Variants in MAP3K5 observed in about 807,000 individuals in gnomAD.
The protein encoded by MAP3K5 is ASK-1.
Under a neutral mutation model 158.7 loss-of-function variants are expected in MAP3K5, and 56 were observed. That is an observed-to-expected ratio of 0.35 (90% CI 0.28 to 0.44). The LOEUF is 0.44. Ranked by LOEUF, MAP3K5 falls within the 20% of genes least tolerant of loss-of-function variation. The pLI, the probability that MAP3K5 is intolerant of heterozygous loss-of-function variation, is 1.00. For synonymous variants in MAP3K5, 579 were observed against 601.7 expected (o/e 0.96, Z 0.55); for missense variants, 1,294 against 1,674.8 (o/e 0.77, Z 3.97).
intron 15 of MAP3K5, among the ~76,000 whole-genome samples, chr6:136,621,503 C>T (rs986006433): frequency 6.6e-6 from 1 of 152,082 alleles, no homozygotes; most frequent in African/African-American, 2.4e-5. Flanking sequence ...GACATGATAT[C>T]CTAGGTGAAA....
chr6:136,602,661 G>C lies in MAP3K5; in HGVS notation c.2680-682C>G, dbSNP rs78624423. On this transcript the variant is annotated intron_variant, in intron 19 of 29. Transcript: ENST00000359015. ...GCTAAGTGCTGGGCATTGTGCTGGG[G>C]TTTCTCCACTTACAGATCTCATCAA... Among the ~76,000 whole-genome samples the C allele has an allele frequency of 0.014, 2,057 of 152,244 alleles. 118 individuals are homozygous for C. In the East Asian group the frequency reaches 0.15, roughly 11 times the overall value.
At chr6:136,768,926 AAAAG>A (rs1157509904) in intron 1 of MAP3K5, among the ~76,000 whole-genome samples, 5 of 152,174 alleles carry the variant, frequency 3.3e-5, no homozygotes, top group East Asian at 1.9e-4. Flanking sequence ...CAAAAAAAAA[AAAAG>A]AAAGAAAATG....
rs567025635 is a variant in MAP3K5, at chr6:136,559,276, C to T, written c.3988-400G>A. ...CTGAGGCAGGAGAATCGCTTGAACC[C>T]GGGAGGCAGAGGTTGCAGTGAGCTG... On this transcript the variant is annotated intron_variant, in intron 28 of 29. Transcript: ENST00000359015. Among the ~76,000 whole-genome samples, 173 of 152,252 alleles carry T rather than the reference C, an allele frequency of 1.1e-3. 2 individuals carry two copies. The highest frequency in any genetic ancestry group is 3.4e-3 in the Middle Eastern group (1 of 294).
chr6:136,574,449 G>A (rs1774508602), intron 25 of MAP3K5, among the ~76,000 whole-genome samples: 1 of 152,144 alleles, frequency 6.6e-6, no homozygotes, highest in Non-Finnish European at 1.5e-5. Flanking sequence ...GATAGAGGAA[G>A]TATGCTTACA....
At chr6:136,745,783 A>G (rs1447702518) in intron 1 of MAP3K5, among the ~76,000 whole-genome samples, 1 of 152,208 alleles carries the variant, frequency 6.6e-6, no homozygotes, top group Non-Finnish European at 1.5e-5. Context: ...CTACTTAACA[A>G]TATTTTCAAT....
upstream of MAP3K5, among the ~76,000 whole-genome samples, chr6:136,792,884 A>T (rs536168829): frequency 9.2e-5 from 14 of 152,216 alleles, no homozygotes; most frequent in South Asian, 2.1e-3. This position sits in a 1 kb window ranked among gnomAD's most constrained non-coding sequence, Gnocchi z 5.7. Context: ...AGCGGCACCG[A>T]GGGTCAGGGC....
intron 21 of MAP3K5, among the ~76,000 whole-genome samples, chr6:136,595,026 G>A (rs563122686): frequency 5.9e-5 from 9 of 152,286 alleles, no homozygotes; most frequent in Non-Finnish European, 1.0e-4. Flanking sequence ...GGATGGAACC[G>A]AGTGCCTGTC....
intron 7 of MAP3K5, among the ~76,000 whole-genome samples, chr6:136,683,402 T>A (rs1320522527): frequency 6.6e-6 from 1 of 152,196 alleles, no homozygotes; most frequent in Admixed American, 6.5e-5. Context: ...GGAATGGCCA[T>A]AGCCATCTTG....
chr6:136,713,597 C>T (rs1038531975), intron 2 of MAP3K5, among the ~76,000 whole-genome samples: 30 of 152,206 alleles, frequency 2.0e-4, no homozygotes, highest in African/African-American at 6.8e-4. Context: ...AGCAGTGTTA[C>T]ATGAATTGCT....
rs1384528468 is a variant in MAP3K5 at position 136,773,494 on chromosome 6, C to A, written c.448+18216G>T. 4.6e-5 allele frequency among the ~76,000 whole-genome samples: 7 copies of A among 152,322 alleles called. No homozygotes were observed. The South Asian group carries it at 1.0e-3, about 23-fold the overall frequency. On this transcript the variant is annotated intron_variant, in intron 1 of 29. Coordinates refer to ENST00000359015, the MANE Select transcript of MAP3K5 (RefSeq NM_005923.4). ...TGAAACATTCAACTTCACTGACCTTCGGACAAGCCCTCTTTGCATTGCTTT... is the reference window on the plus strand; with the variant it reads ...TGAAACATTCAACTTCACTGACCTTAGGACAAGCCCTCTTTGCATTGCTTT...
At chr6:136,729,576 TTGAG>T (rs1233066350) in intron 1 of MAP3K5, among the ~76,000 whole-genome samples, 1 of 152,158 alleles carries the variant, frequency 6.6e-6, no homozygotes, top group African/African-American at 2.4e-5. Flanking sequence ...TGATAAAGCT[TTGAG>T]TAATTTCTCA....
At chr6:136,786,656 G>T (rs1275779356) in intron 1 of MAP3K5, among the ~76,000 whole-genome samples, 1 of 152,128 alleles carries the variant, frequency 6.6e-6, no homozygotes, top group East Asian at 1.9e-4. Flanking sequence ...TGTAGTCAAA[G>T]AAGAAATTAA....
intron 7 of MAP3K5, among the ~76,000 whole-genome samples, chr6:136,693,264 CTTTG>C (rs1780467646): frequency 6.6e-6 from 1 of 152,150 alleles, no homozygotes; most frequent in Non-Finnish European, 1.5e-5. Context: ...TATTCCAGTG[CTTTG>C]TTTGTCTATG....
intron 7 of MAP3K5, among the ~76,000 whole-genome samples, chr6:136,670,908 A>C (rs1779454963): frequency 6.6e-6 from 1 of 152,160 alleles, no homozygotes; most frequent in Non-Finnish European, 1.5e-5. Context: ...AGAAGTATAC[A>C]TGTTTCCATT....
intron 7 of MAP3K5, among the ~76,000 whole-genome samples, chr6:136,683,198 C>T (rs972465459): frequency 3.9e-5 from 6 of 152,112 alleles, no homozygotes; most frequent in Non-Finnish European, 2.9e-5. Flanking sequence ...TAGTCTAAAC[C>T]GGTTGTAATA....
intron 28 of MAP3K5, among the ~76,000 whole-genome samples, chr6:136,559,404 T>C (rs184387440): frequency 6.4e-5 from 8 of 125,760 alleles, no homozygotes; most frequent in African/African-American, 1.9e-4. Flanking sequence ...AATGCATCCA[T>C]ATTAACTTCC....
At chr6:136,784,987 G>A (rs888920163) in intron 1 of MAP3K5, among the ~76,000 whole-genome samples, 6 of 152,018 alleles carry the variant, frequency 3.9e-5, no homozygotes, top group Non-Finnish European at 5.9e-5. Flanking sequence ...ACACATGTCA[G>A]TCCTCCAAAT....
At chr6:136,752,631 C>A (rs1783265781) in intron 1 of MAP3K5, among the ~76,000 whole-genome samples, 1 of 152,162 alleles carries the variant, frequency 6.6e-6, no homozygotes, top group African/African-American at 2.4e-5. Context: ...AGGCTGGTCT[C>A]AAACCCGTGA....
At chr6:136,732,697 C>T (rs775046014) in intron 1 of MAP3K5, among the ~76,000 whole-genome samples, 1 of 152,192 alleles carries the variant, frequency 6.6e-6, no homozygotes, top group Non-Finnish European at 1.5e-5. Context: ...TTCTTTTTCA[C>T]TAAAAGGAAT....
Sources: allele counts gnomAD v4.1 joint callset (sites outside exome capture counted in the v4.1 genomes callset), GRCh38; gene constraint gnomAD v4.1.1; non-coding constraint Gnocchi (gnomAD v3.1); transcripts MANE v1.5; gene names NCBI Gene and HGNC (gene_info 2026-07-23, HGNC 2026-07-21).